Variants in SCHIP1 observed in about 807,000 individuals in gnomAD.
SCHIP1 encodes schwannomin interacting protein 1.
A neutral mutation model predicts 29.7 loss-of-function variants in SCHIP1; 8 were observed. That is an observed-to-expected ratio of 0.27 (90% CI 0.16 to 0.49). The LOEUF (loss-of-function observed/expected upper bound fraction) is 0.49. Among genes scored for constraint, SCHIP1 ranks in the 20% least tolerant of loss-of-function variants. The pLI is 0.99. For missense variants in SCHIP1, 193 were observed against 294.6 expected (o/e 0.66, Z 2.52); for synonymous variants, 76 against 94.9 (o/e 0.80, Z 1.16).
At chr3:159,826,147 T>C in the SCHIP1 span, among the ~76,000 whole-genome samples, 1 of 152,226 alleles carries the variant, frequency 6.6e-6, no homozygotes, top group Non-Finnish European at 1.5e-5. Context: ...ATTATGTTTT[T>C]AGAAGTATTT....
chr3:159,383,414 T>C, the SCHIP1 span, among the ~76,000 whole-genome samples: 4 of 151,570 alleles, frequency 2.6e-5, no homozygotes, highest in African/African-American at 4.8e-5. Context: ...GATCAGATAG[T>C]TGTAGATATG....
chr3:159,879,828 A>G (rs562523641), intron 2 of SCHIP1, among the ~76,000 whole-genome samples: 1 of 152,268 alleles, frequency 6.6e-6, no homozygotes, highest in South Asian at 2.1e-4. Context: ...TCGGGTTAGG[A>G]TACAGGGGCG....
the SCHIP1 span, among the ~76,000 whole-genome samples, chr3:159,468,008 C>A: frequency 3.2e-4 from 48 of 152,136 alleles, no homozygotes; most frequent in African/African-American, 1.1e-3. Context: ...GTCAATGTGA[C>A]CTGATTGATT....
At chr3:159,634,164 T>C in the SCHIP1 span, among the ~76,000 whole-genome samples, 2 of 152,118 alleles carry the variant, frequency 1.3e-5, no homozygotes, top group Non-Finnish European at 2.9e-5. Flanking sequence ...TAAAATGTGT[T>C]ACATAAGCAA....
At chr3:159,582,783 T>C in the SCHIP1 span, among the ~76,000 whole-genome samples, 7,957 of 83,766 alleles carry the variant, frequency 0.095, 552 homozygotes, top group African/African-American at 0.24. Context: ...CTGAAATATA[T>C]ATATACACAC....
the SCHIP1 span, among the ~76,000 whole-genome samples, chr3:159,515,838 G>A: frequency 4.6e-5 from 7 of 152,144 alleles, no homozygotes; most frequent in African/African-American, 2.4e-5. Context: ...AGATATGGTA[G>A]CGAATAAAAT....
chr3:159,549,841 T>G, the SCHIP1 span, among the ~76,000 whole-genome samples: 1 of 152,134 alleles, frequency 6.6e-6, no homozygotes, highest in Non-Finnish European at 1.5e-5. Context: ...AGAATCTGCT[T>G]GTTTTTGTTC....
chr3:159,413,447 G>T, the SCHIP1 span, among the ~76,000 whole-genome samples: 2,494 of 152,172 alleles, frequency 0.016, 58 homozygotes, highest in African/African-American at 0.057. Flanking sequence ...ATAAGGCATA[G>T]CACTTAATCT....
chr3:159,502,190 A>G, the SCHIP1 span, among the ~76,000 whole-genome samples: 7 of 152,256 alleles, frequency 4.6e-5, no homozygotes, highest in Admixed American at 1.3e-4. Flanking sequence ...CTCACTTGGG[A>G]CAAAGACATA....
the SCHIP1 span, among the ~76,000 whole-genome samples, chr3:159,305,471 A>G: frequency 1.3e-5 from 2 of 152,288 alleles, no homozygotes; most frequent in African/African-American, 4.8e-5. Context: ...TCTTTTTCTC[A>G]GAGAAAGTAT....
the SCHIP1 span, among the ~76,000 whole-genome samples, chr3:159,415,541 T>C: frequency 1.3e-5 from 2 of 152,182 alleles, no homozygotes; most frequent in South Asian, 4.1e-4. Flanking sequence ...TAAGTGAGAA[T>C]GTGGTATTTG....
At chr3:159,309,607 CA>C in the SCHIP1 span, among the ~76,000 whole-genome samples, 1 of 152,096 alleles carries the variant, frequency 6.6e-6, no homozygotes, top group African/African-American at 2.4e-5. Context: ...TTGTACCTTC[CA>C]GGTTATCAGA....
chr3:159,650,419 ATTTAT>A, the SCHIP1 span, among the ~76,000 whole-genome samples: 2 of 152,136 alleles, frequency 1.3e-5, no homozygotes, highest in African/African-American at 4.8e-5. Flanking sequence ...TATTCACAAA[ATTTAT>A]TTTATTTAAA....
chr3:159,538,057 G>A, the SCHIP1 span, among the ~76,000 whole-genome samples: 4 of 152,136 alleles, frequency 2.6e-5, no homozygotes, highest in Non-Finnish European at 4.4e-5. Flanking sequence ...CCAGAGTGAG[G>A]AAAGAAACCA....
At chr3:159,759,744 A>G in the SCHIP1 span, among the ~76,000 whole-genome samples, 1 of 152,226 alleles carries the variant, frequency 6.6e-6, no homozygotes, top group East Asian at 1.9e-4. Context: ...AATTCATGTA[A>G]TAAAGATGAA....
chr3:159,678,805 T>C, the SCHIP1 span, among the ~76,000 whole-genome samples: 6 of 152,310 alleles, frequency 3.9e-5, no homozygotes, highest in Non-Finnish European at 5.9e-5. Context: ...AGGCACCTCT[T>C]CACAGAGTGG....
chr3:159,616,966 A>G, the SCHIP1 span, among the ~76,000 whole-genome samples: 1 of 152,236 alleles, frequency 6.6e-6, no homozygotes, highest in Admixed American at 6.5e-5. Context: ...CAAGCGCTCA[A>G]TGCCACATGT....
At chr3:159,447,630 C>A in the SCHIP1 span, among the ~76,000 whole-genome samples, 2 of 152,170 alleles carry the variant, frequency 1.3e-5, no homozygotes, top group African/African-American at 4.8e-5. Flanking sequence ...TAGATGAGCC[C>A]TGAGAATTCT....
intron 1 of SCHIP1, among the ~76,000 whole-genome samples, chr3:159,863,629 T>C (rs1714294906): frequency 1.3e-5 from 2 of 152,326 alleles, no homozygotes; most frequent in African/African-American, 2.4e-5. Context: ...GGAGGAAATA[T>C]ACTAAAATGT....
Sources: gnomAD v4.1 joint callset for allele counts (sites outside exome capture counted in the v4.1 genomes callset) on GRCh38, gnomAD v4.1.1 for gene constraint, MANE v1.5 for transcripts, NCBI Gene and HGNC (gene_info 2026-07-23, HGNC 2026-07-21) for gene names.